ZNF518B: variants seen among roughly 807,000 people sequenced by gnomAD.
ZNF518B encodes zinc finger protein 518B.
A neutral mutation model predicts 56.3 loss-of-function variants in ZNF518B; 23 were observed. The observed-to-expected ratio is 0.41, with a 90% CI of 0.29 to 0.58. ZNF518B has a LOEUF of 0.58. Ranked by LOEUF, ZNF518B falls within the 20% of genes least tolerant of loss-of-function variation. The pLI is 0.32. For synonymous variants in ZNF518B, 529 were observed against 465.9 expected (o/e 1.14, Z -1.74); for missense variants, 1,460 against 1,272.1 (o/e 1.15, Z -2.25).
intron 1 of ZNF518B, among the ~76,000 whole-genome samples, chr4:10,455,318 A>G (rs1715483103): frequency 1.3e-5 from 2 of 152,334 alleles, no homozygotes; most frequent in African/African-American, 4.8e-5. Flanking sequence ...TGGAAATTGC[A>G]GTTAGCTGAG....
In ZNF518B at chr4:10,446,394, G is replaced by A. The variant is rs549929958; in HGVS notation, c.-66C>T. The A allele has an allele frequency of 2.0e-6, 3 of 1,467,180 alleles. No individual in the cohort carries two copies. Among genetic ancestry groups the A allele is most frequent in the East Asian group, 2.3e-5 (1 of 43,966 alleles). The allele number at this position is 1,467,180 out of a possible 1,614,324, so 90.9% of individuals were successfully genotyped here. On this transcript the variant is annotated 5_prime_UTR_variant, in exon 3 of 3. Transcript: ENST00000326756. ...AGTTTTCACATGATAAAATCCTTAG[G>A]AGATATCCTTCTATACAGTTTGTGA...
Position 10,444,759 on chromosome 4 carries a change from A to C in ZNF518B, c.1570T>G (p.Ser524Ala), listed in dbSNP as rs1714905151. 1 of 1,613,916 alleles carries C rather than the reference A, an allele frequency of 6.2e-7. No individual in the cohort carries two copies. The highest frequency in any genetic ancestry group is 1.1e-5 in the South Asian group (1 of 91,062). ...AESGRNLHSS[S>A]QQLLPFAASP... Reference sequence around the variant, plus strand: ...GCAGCAAATGGGAGTAACTGCTGTGAGCTACTGTGTAAATTTCTTCCACTT... The same window carrying C: ...GCAGCAAATGGGAGTAACTGCTGTGCGCTACTGTGTAAATTTCTTCCACTT... Residue 524 changes from serine to alanine, a missense_variant, in exon 3 of 3, where the codon TCA becomes GCA. By Grantham distance (99) the Ser-to-Ala change is moderately conservative. Coordinates refer to ENST00000326756, the MANE Select transcript of ZNF518B (RefSeq NM_053042.3).
chr4:10,443,300 T>C lies in ZNF518B; in HGVS notation c.3029A>G (p.Lys1010Arg). 2 of 1,614,214 alleles carry C rather than the reference T, an allele frequency of 1.2e-6. No homozygotes were observed. Among genetic ancestry groups the C allele is most frequent in the Non-Finnish European group, 1.7e-6 (2 of 1,180,026 alleles). The change falls in exon 3 of 3, where the codon AAA becomes AGA. Residue 1010 changes from lysine to arginine, a missense_variant. Physicochemically the swap from Lys to Arg is conservative, Grantham distance 26. Transcript: ENST00000326756. ...ASQIKRQMMLKMKLKKVHKNN... is the reference protein window; with the variant it reads ...ASQIKRQMMLRMKLKKVHKNN... ...TTTATGAACTTTTTTGAGTTTCATT[T>C]TCAACATCATTTGCCTTTTAATTTG...
Position 10,445,725 on chromosome 4 carries a change from T to C in ZNF518B, c.604A>G (p.Asn202Asp), listed in dbSNP as rs1715005202. ...TTCGTGTGTTTGACAATATAATCAT[T>C]TCTAATAGCACCATAGTCACAATAC... ...CEYCDYGAIR[N>D]DYIVKHTKRV... Residue 202 changes from asparagine (N) to aspartate (D), a missense_variant, in exon 3 of 3, where the codon AAT (asparagine) becomes GAT (aspartate). Coordinates refer to ENST00000326756, the MANE Select transcript of ZNF518B (RefSeq NM_053042.3). 1 of 1,614,210 alleles carries C rather than the reference T, an allele frequency of 6.2e-7. No individual in the cohort carries two copies. The highest frequency in any genetic ancestry group is 8.5e-7 in the Non-Finnish European group (1 of 1,180,048).
At chr4:10,456,903 G>C (rs1715559954) in intron 1 of ZNF518B, among the ~76,000 whole-genome samples, 1 of 151,744 alleles carries the variant, frequency 6.6e-6, no homozygotes, top group Non-Finnish European at 1.5e-5. Flanking sequence ...GGCCGGGCCA[G>C]CGGCGCCACA....
In ZNF518B at chr4:10,444,243, A is replaced by T; in HGVS notation, c.2086T>A (p.Ser696Thr). The T allele has an allele frequency of 6.2e-7, 1 of 1,614,200 alleles. No individual in the cohort carries two copies. The highest frequency in any genetic ancestry group is 8.5e-7 in the Non-Finnish European group (1 of 1,180,030). Residue 696 changes from serine (S) to threonine (T), a missense_variant, in exon 3 of 3, where the codon TCA becomes ACA. By Grantham distance (58) the Ser-to-Thr change is moderately conservative (BLOSUM62 1). Transcript: ENST00000326756. ...SAHRRSVGQA[S>T]KGTSKATSEG... ...GAGGTAGCTTTTGAAGTTCCCTTTG[A>T]TGCCTGCCCTACAGAGCGACGATGT...
chr4:10,442,404 G>GT lies in ZNF518B; in HGVS notation c.*699dup, dbSNP rs1467868829. 6.6e-6 allele frequency: 1 copy of GT among 152,132 alleles called. No homozygotes were observed. Among genetic ancestry groups the GT allele is most frequent in the African/African-American group, 2.4e-5 (1 of 41,432 alleles). The allele number at this position is 152,132 out of a possible 1,614,324, so 9.4% of individuals were successfully genotyped here. On this transcript the variant is annotated 3_prime_UTR_variant, in exon 3 of 3. Transcript: ENST00000326756. ...CCCTTCCCATATGTCATAAACCAAT[G>GT]TATTTTAAAGAAAGCAAAAGCTAAG... is the stretch of plus-strand genomic sequence containing the variant.
At chr4:10,456,132 C>G (rs1715514730) in intron 1 of ZNF518B, among the ~76,000 whole-genome samples, 3 of 151,836 alleles carry the variant, frequency 2.0e-5, no homozygotes, top group African/African-American at 7.3e-5. Context: ...AAGAGTCTAA[C>G]ACAACATTAG....
chr4:10,453,006 C>G (rs1475299220), intron 2 of ZNF518B: 1 of 152,208 alleles, frequency 6.6e-6, no homozygotes, highest in Non-Finnish European at 1.5e-5. Flanking sequence ...GAGTGTAACA[C>G]AGTAGAGAAT....
intron 2 of ZNF518B, among the ~76,000 whole-genome samples, chr4:10,450,466 A>G (rs546745287): frequency 3.9e-5 from 6 of 152,328 alleles, no homozygotes; most frequent in Admixed American, 1.3e-4. Context: ...ATACTCCAAG[A>G]CAAGGTAAAT....
At chr4:10,457,580 G>C (rs1370863602), upstream of ZNF518B, among the ~76,000 whole-genome samples, 1 of 152,268 alleles carries the variant, frequency 6.6e-6, no homozygotes, top group African/African-American at 2.4e-5. Flanking sequence ...TCTGGGCTTA[G>C]AGCTTGACCC....
In ZNF518B at chr4:10,445,232, A is replaced by G; in HGVS notation, c.1097T>C (p.Leu366Pro). ...TQQLVLKLFPLEENNCLEAGR... is the reference protein window; with the variant it reads ...TQQLVLKLFPPEENNCLEAGR... ...AGCTTCAAGGCAATTATTTTCTTCC[A>G]GCGGAAACAGTTTCAGAACAAGCTG... is the stretch of plus-strand genomic sequence containing the variant. Residue 366 changes from leucine to proline, a missense_variant, in exon 3 of 3, where the codon CTG becomes CCG. Coordinates refer to ENST00000326756, the MANE Select transcript of ZNF518B (RefSeq NM_053042.3). The G allele has an allele frequency of 6.2e-7, 1 of 1,614,170 alleles. No individual in the cohort carries two copies. Among genetic ancestry groups the G allele is most frequent in the Non-Finnish European group, 8.5e-7 (1 of 1,180,034 alleles).
intron 1 of ZNF518B, among the ~76,000 whole-genome samples, chr4:10,456,831 G>A (rs971270071): frequency 1.3e-5 from 2 of 152,150 alleles, no homozygotes; most frequent in African/African-American, 2.4e-5. Flanking sequence ...CTTCCTGCTC[G>A]GCGCGGACGG....
Position 10,446,118 on chromosome 4 carries a change from G to C in ZNF518B, c.211C>G (p.Leu71Val), listed in dbSNP as rs761279761. 5 of 1,614,038 alleles carry C rather than the reference G, an allele frequency of 3.1e-6. No individual in the cohort carries two copies. In the African/African-American group the frequency reaches 5.3e-5, roughly 17 times the overall value. ...CCTGTACCCTTCTGCAAATCTTGAAGAGAGATCTTGTGAACACTTTTGCAC... is the reference window on the plus strand; with the variant it reads ...CCTGTACCCTTCTGCAAATCTTGAACAGAGATCTTGTGAACACTTTTGCAC... The part of the protein sequence containing the change: ...AKCKSVHKIS[L>V]QDLQKGTGKD... The change falls in exon 3 of 3, where the codon CTT becomes GTT. Residue 71 changes from leucine to valine, a missense_variant. Leu to Val is a conservative substitution (Grantham distance 32, BLOSUM62 1). Coordinates refer to ENST00000326756, the MANE Select transcript of ZNF518B (RefSeq NM_053042.3).
At chr4:10,458,716 A>G (rs1047160030), upstream of ZNF518B, among the ~76,000 whole-genome samples, 1 of 152,070 alleles carries the variant, frequency 6.6e-6, no homozygotes, top group Non-Finnish European at 1.5e-5. Context: ...TGCAGATAGC[A>G]CCTATCAGAG....
chr4:10,440,268 C>CCCTCGACTGGGGATACAAAAA lies in ZNF518B; in HGVS notation c.*2835_*2836insTTTTTGTATCCCCAGTCGAGG. On this transcript the variant is annotated 3_prime_UTR_variant, in exon 3 of 3. Transcript: ENST00000326756. ...CAAAATTGAATATAATATAGTCTAT[C>CCCTCGACTGGGGATACAAAAA]AGAGTATACTTTGGGTCAGGTTTTT... 6.8e-6 allele frequency: 1 copy of CCCTCGACTGGGGATACAAAAA among 146,306 alleles called. No individual in the cohort carries two copies. The highest frequency in any genetic ancestry group is 2.0e-4 in the East Asian group (1 of 4,964). 9.1% of individuals were successfully genotyped at this position (146,306 alleles called of 1,614,324 possible).
upstream of ZNF518B, among the ~76,000 whole-genome samples, chr4:10,460,174 G>A (rs956311502): frequency 2.6e-5 from 4 of 151,510 alleles, no homozygotes; most frequent in South Asian, 2.1e-4. Context: ...GCGTGGTGGC[G>A]GGCGCCTGTA....
At chr4:10,456,554 G>A (rs1715537762) in intron 1 of ZNF518B, among the ~76,000 whole-genome samples, 1 of 152,130 alleles carries the variant, frequency 6.6e-6, no homozygotes, top group African/African-American at 2.4e-5. Flanking sequence ...GCCCACCCCT[G>A]ACCCTCTCAA....
rs2108988195 is a variant in ZNF518B at position 10,445,946 on chromosome 4, C to T, written c.383G>A (p.Arg128Lys). The change falls in exon 3 of 3, where the codon AGG becomes AAG. Residue 128 changes from arginine (R) to lysine (K), a missense_variant. Physicochemically the swap from Arg to Lys is conservative, Grantham distance 26. Transcript: ENST00000326756. ...SSSVNSKFKV[R>K]NFKPGKYYCD... ...ATAGTATTTGCCTGGCTTAAAGTTC[C>T]TTACCTTAAATTTGCTATTGACAGA... 3 of 1,614,184 alleles carry T rather than the reference C, an allele frequency of 1.9e-6. 1 individual carries two copies. Among genetic ancestry groups the T allele is most frequent in the East Asian group, 4.5e-5 (2 of 44,888 alleles).
Sources: gnomAD v4.1 joint callset for allele counts (sites outside exome capture counted in the v4.1 genomes callset) on GRCh38, gnomAD v4.1.1 for gene constraint, MANE v1.5 for transcripts, NCBI Gene and HGNC (gene_info 2026-07-23, HGNC 2026-07-21) for gene names.